Variants in AKAP19 observed in about 807,000 individuals in gnomAD.
AKAP19 encodes the protein A-kinase anchoring protein 19, also known as small A-kinase anchoring protein.
the AKAP19 span, among the ~76,000 whole-genome samples, chr2:189,919,361 T>C: frequency 1.3e-5 from 2 of 152,166 alleles, no homozygotes; most frequent in African/African-American, 2.4e-5. Flanking sequence ...AAATGTTAAT[T>C]AATTGTGTAC....
At chr2:190,162,490 CCACAAAAACAA>C in the AKAP19 span, among the ~76,000 whole-genome samples, 1 of 151,966 alleles carries the variant, frequency 6.6e-6, no homozygotes, top group Non-Finnish European at 1.5e-5. Flanking sequence ...GCTAATAGTG[CCACAAAAACAA>C]TACCATGCTT....
chr2:190,194,186 T>C, the AKAP19 span, among the ~76,000 whole-genome samples: 1 of 152,216 alleles, frequency 6.6e-6, no homozygotes, highest in African/African-American at 2.4e-5. Flanking sequence ...TGGTGAATGT[T>C]CCATATGCAC....
At chr2:190,046,811 T>A in the AKAP19 span, among the ~76,000 whole-genome samples, 310 of 152,322 alleles carry the variant, frequency 2.0e-3, no homozygotes, top group African/African-American at 7.3e-3. Context: ...ATTTTATTAA[T>A]AACTTTTTGT....
At chr2:190,062,832 G>A in the AKAP19 span, 1 of 484,346 alleles carries the variant, frequency 2.1e-6, no homozygotes, top group Non-Finnish European at 3.7e-6. Flanking sequence ...CTCGCTGTCA[G>A]AGGTTAAAAC....
chr2:189,958,522 CATAT>C, the AKAP19 span, among the ~76,000 whole-genome samples: 576 of 143,702 alleles, frequency 4.0e-3, 3 homozygotes, highest in African/African-American at 0.01. Context: ...ACACACATAA[CATAT>C]ATATATATAT....
chr2:190,050,995 A>G, the AKAP19 span, among the ~76,000 whole-genome samples: 1 of 152,238 alleles, frequency 6.6e-6, no homozygotes, highest in African/African-American at 2.4e-5. Flanking sequence ...GCATCTACAA[A>G]GTAGAAATGG....
the AKAP19 span, among the ~76,000 whole-genome samples, chr2:189,927,198 A>G: frequency 6.6e-6 from 1 of 152,132 alleles, no homozygotes; most frequent in Non-Finnish European, 1.5e-5. Flanking sequence ...CCAGCAATGA[A>G]CTTAATTTTG....
At chr2:189,975,298 G>C in the AKAP19 span, among the ~76,000 whole-genome samples, 1 of 152,194 alleles carries the variant, frequency 6.6e-6, no homozygotes, top group Admixed American at 6.5e-5. Flanking sequence ...TAAGAATGTT[G>C]AATATTGGCC....
At chr2:190,157,795 T>A in the AKAP19 span, among the ~76,000 whole-genome samples, 1 of 152,074 alleles carries the variant, frequency 6.6e-6, no homozygotes, top group African/African-American at 2.4e-5. Context: ...CAAGAAAAGG[T>A]TTAGTTATTA....
the AKAP19 span, among the ~76,000 whole-genome samples, chr2:189,898,319 T>G: frequency 6.6e-6 from 1 of 152,222 alleles, no homozygotes; most frequent in Non-Finnish European, 1.5e-5. Flanking sequence ...TCTAAGCCCT[T>G]TGTATAAACT....
chr2:189,936,608 TA>T, the AKAP19 span, among the ~76,000 whole-genome samples: 1 of 152,212 alleles, frequency 6.6e-6, no homozygotes, highest in Non-Finnish European at 1.5e-5. Flanking sequence ...GGATATTTCC[TA>T]CATTATAGGA....
chr2:189,945,352 T>C, the AKAP19 span, among the ~76,000 whole-genome samples: 2 of 152,294 alleles, frequency 1.3e-5, 1 homozygote, highest in Admixed American at 1.3e-4. Flanking sequence ...CAGCAGAGAA[T>C]TGGTGCCTTC....
At chr2:189,999,586 T>C in the AKAP19 span, among the ~76,000 whole-genome samples, 4 of 152,206 alleles carry the variant, frequency 2.6e-5, no homozygotes, top group Admixed American at 6.5e-5. Context: ...TTCTTTAGAC[T>C]TTTTTTGTAA....
chr2:190,169,394 G>A, the AKAP19 span, among the ~76,000 whole-genome samples: 1 of 152,140 alleles, frequency 6.6e-6, no homozygotes, highest in Non-Finnish European at 1.5e-5. Flanking sequence ...GCTCAAGCTG[G>A]TGAGGTGGTC....
At chr2:190,144,913 G>A in the AKAP19 span, among the ~76,000 whole-genome samples, 4 of 151,884 alleles carry the variant, frequency 2.6e-5, no homozygotes, top group Non-Finnish European at 5.9e-5. Flanking sequence ...GGAGGTGGAG[G>A]TTGCAGTGAG....
the AKAP19 span, among the ~76,000 whole-genome samples, chr2:190,169,811 A>G: frequency 6.6e-6 from 1 of 152,248 alleles, no homozygotes; most frequent in Non-Finnish European, 1.5e-5. Context: ...AGAGTAGAAC[A>G]AATGGCTTTA....
chr2:189,982,206 A>T, the AKAP19 span, among the ~76,000 whole-genome samples: 1 of 150,284 alleles, frequency 6.7e-6, no homozygotes, highest in East Asian at 2.0e-4. Context: ...TTCATTTTTT[A>T]AAAATTATTT....
the AKAP19 span, among the ~76,000 whole-genome samples, chr2:190,097,713 C>A: frequency 1.3e-5 from 2 of 151,838 alleles, no homozygotes; most frequent in African/African-American, 4.8e-5. Context: ...AAACCAGTTT[C>A]TTTGTTCATT....
the AKAP19 span, among the ~76,000 whole-genome samples, chr2:189,894,996 A>T: frequency 6.6e-6 from 1 of 151,956 alleles, no homozygotes; most frequent in Non-Finnish European, 1.5e-5. Flanking sequence ...ACTTCTCAGT[A>T]CTGAATTCTA....
Sources: allele counts gnomAD v4.1 joint callset (sites outside exome capture counted in the v4.1 genomes callset), GRCh38; gene constraint gnomAD v4.1.1; transcripts MANE v1.5; gene names NCBI Gene and HGNC (gene_info 2026-07-23, HGNC 2026-07-21).